Variants in GTF2IRD1 observed in about 807,000 individuals in gnomAD.
The protein encoded by GTF2IRD1 is GTF2I repeat domain containing 1, also known as general transcription factor II-I repeat domain-containing protein 1.
GTF2IRD1 carries 26 observed loss-of-function variants against 113.2 expected under a neutral mutation model. That is an observed-to-expected ratio of 0.23 (90% CI 0.17 to 0.32). The LOEUF is 0.32. Ranked by LOEUF, GTF2IRD1 falls within the 10% of genes least tolerant of loss-of-function variation. The pLI is 1.00. For synonymous variants in GTF2IRD1, 484 were observed against 529.1 expected (o/e 0.91, Z 1.17); for missense variants, 864 against 1,280.8 (o/e 0.67, Z 4.97).
intron 22 of GTF2IRD1, among the ~76,000 whole-genome samples, chr7:74,577,287 C>CCAAT (rs1801132431): frequency 6.6e-6 from 1 of 152,204 alleles, no homozygotes; most frequent in African/African-American, 2.4e-5. Flanking sequence ...GATCCACCCG[C>CCAAT]CTCAGCCTCC....
In GTF2IRD1 at chr7:74,519,822, G is replaced by A. The variant is rs918962422; in HGVS notation, c.916+103G>A. 1.8e-5 allele frequency: 14 copies of A among 779,666 alleles called. No individual in the cohort carries two copies. The African/African-American group carries it at 2.3e-4, about 13-fold the overall frequency. The allele number at this position is 779,666 out of a possible 1,614,324, so 48.3% of individuals were successfully genotyped here. Reference sequence around the variant, plus strand: ...GGTCAGGATGCCTGGGCCCTCTTAGGTTGGAAGGAGCCATGTCTGGGCATG... The same window carrying A: ...GGTCAGGATGCCTGGGCCCTCTTAGATTGGAAGGAGCCATGTCTGGGCATG... On this transcript the variant is annotated intron_variant, in intron 6 of 26. Coordinates refer to ENST00000424337, the MANE Select transcript of GTF2IRD1 (RefSeq NM_005685.4).
intron 1 of GTF2IRD1, among the ~76,000 whole-genome samples, chr7:74,489,895 T>C (rs955990108): frequency 4.6e-5 from 7 of 152,080 alleles, no homozygotes; most frequent in Non-Finnish European, 1.0e-4. Context: ...AACGGGGGGA[T>C]TCTGTTAGCA....
chr7:74,585,489 C>G (rs1304973814), intron 22 of GTF2IRD1, among the ~76,000 whole-genome samples: 1 of 152,120 alleles, frequency 6.6e-6, no homozygotes, highest in African/African-American at 2.4e-5. Flanking sequence ...TTGAGTCTCG[C>G]TCTGTCCCGA....
intron 14 of GTF2IRD1, among the ~76,000 whole-genome samples, chr7:74,540,727 T>C (rs781831336): frequency 1.3e-4 from 19 of 151,730 alleles, no homozygotes; most frequent in Admixed American, 1.1e-3. Flanking sequence ...GGTGAGGGGA[T>C]TACTTGAGGC....
intron 22 of GTF2IRD1, among the ~76,000 whole-genome samples, chr7:74,571,439 G>A (rs587768026): frequency 8.5e-5 from 13 of 152,280 alleles, no homozygotes; most frequent in South Asian, 2.1e-4. Context: ...TCCCCATAGC[G>A]GAGGAACCCG....
At chr7:74,522,599 A>C (rs587595280) in intron 7 of GTF2IRD1, among the ~76,000 whole-genome samples, 2 of 152,254 alleles carry the variant, frequency 1.3e-5, no homozygotes, top group South Asian at 4.1e-4. Context: ...CCTCCCCCCC[A>C]ACAACAACCC....
chr7:74,589,829 C>A, intron 22 of GTF2IRD1, 22 bp from the exon 23 acceptor site: 2 of 1,529,946 alleles, frequency 1.3e-6, no homozygotes, highest in Non-Finnish European at 1.8e-6. Context: ...AACTCTCATG[C>A]CCCCTTGTCT....
At chr7:74,538,391 T>C (rs587598198) in intron 12 of GTF2IRD1, among the ~76,000 whole-genome samples, 1 of 152,276 alleles carries the variant, frequency 6.6e-6, no homozygotes, top group Admixed American at 6.5e-5. Context: ...GGTGCTGGCA[T>C]CACCACTGCC....
rs1554343367 is a variant in GTF2IRD1, at chr7:74,512,807, C to T, written c.124-23C>T. On this transcript the variant is annotated intron_variant, in intron 2 of 26. Transcript: ENST00000424337. The surrounding 1 kb of genome is among the most constrained non-coding windows in gnomAD (Gnocchi z 4.4). ...TCGGAGTATGGGGAGCCCTTCCGCT[C>T]ACACAGCCTGCCCTTCCCACAGTGC... 2 of 1,611,770 alleles carry T rather than the reference C, an allele frequency of 1.2e-6. No homozygotes were observed. The highest frequency in any genetic ancestry group is 1.7e-5 in the Admixed American group (1 of 59,842).
At chr7:74,515,285 G>A in intron 3 of GTF2IRD1, 156 bp from the exon 4 acceptor site, 1 of 1,475,022 alleles carries the variant, frequency 6.8e-7, no homozygotes, top group Non-Finnish European at 9.1e-7. Context: ...TTGGAATAGG[G>A]CTTGCTCACT....
chr7:74,471,986 T>C (rs1269938570), intron 1 of GTF2IRD1, among the ~76,000 whole-genome samples: 1 of 152,158 alleles, frequency 6.6e-6, no homozygotes, highest in South Asian at 2.1e-4. Context: ...AATGAGACTC[T>C]GTCTCAACAA....
rs1167468655 is a variant in GTF2IRD1, at chr7:74,562,555, C to CTTTTTTTTTTTTTTT, written c.2320+2915_2320+2929dup. Among the ~76,000 whole-genome samples, 4 of 62,702 alleles carry CTTTTTTTTTTTTTTT rather than the reference C, an allele frequency of 6.4e-5. 1 individual carries two copies. Among genetic ancestry groups the CTTTTTTTTTTTTTTT allele is most frequent in the African/African-American group, 3.2e-4 (4 of 12,552 alleles). The allele number at this position is 62,702 out of a possible 152,430, so 41.1% of individuals were successfully genotyped here. A position where few individuals can be genotyped will look rare whatever the true frequency, so the allele number is the denominator to read the frequency against. On this transcript the variant is annotated intron_variant, in intron 22 of 26. Transcript: ENST00000424337. ...AGGACTATTTTCCGCCAATTGCCCT[C>CTTTTTTTTTTTTTTT]TTTTTTTTTTTTTTTTTTTTTTTTT...
At chr7:74,528,738 GATGGATGGATGGATGGATGA>G (rs1220316409) in intron 8 of GTF2IRD1, among the ~76,000 whole-genome samples, 15 of 141,764 alleles carry the variant, frequency 1.1e-4, no homozygotes, top group African/African-American at 3.9e-4. Context: ...TGGATGGATG[GATGGATGGATGGATGGATGA>G]ATGGATGGAT....
chr7:74,558,922 C>T lies in GTF2IRD1; in HGVS notation c.2169C>T (p.Pro723=), dbSNP rs782217257. Residue 723 remains proline, a synonymous_variant, in exon 21 of 27, where the codon CCC becomes CCT. Transcript: ENST00000424337. ...CCTACAAGCGGATCAAGAGTAACCC[C>T]GGCTCCGTGATCATCGAGGGGCTGC... ...QVPYKRIKSN[P]GSVIIEGLPP... is the part of the protein sequence containing the mutation. The T allele has an allele frequency of 1.4e-5, 22 of 1,613,948 alleles. No individual in the cohort carries two copies. The highest frequency in any genetic ancestry group is 3.3e-5 in the Admixed American group (2 of 59,992).
At chr7:74,565,252 C>T (rs774653614) in intron 22 of GTF2IRD1, among the ~76,000 whole-genome samples, 5 of 152,080 alleles carry the variant, frequency 3.3e-5, no homozygotes, top group African/African-American at 1.2e-4. Context: ...CTGCCAGGCG[C>T]GGTGGCTCAT....
chr7:74,471,761 A>G (rs373457356), intron 1 of GTF2IRD1, among the ~76,000 whole-genome samples: 3 of 151,884 alleles, frequency 2.0e-5, no homozygotes, highest in Non-Finnish European at 4.4e-5. Context: ...TGGGAGGCCA[A>G]GGCGGGCAGA....
chr7:74,591,496 A>C (rs1708908693), intron 24 of GTF2IRD1, among the ~76,000 whole-genome samples: 1 of 148,796 alleles, frequency 6.7e-6, no homozygotes, highest in Admixed American at 6.9e-5. Context: ...CTCGTGCCTC[A>C]GCCTCCCAAG....
intron 1 of GTF2IRD1, among the ~76,000 whole-genome samples, chr7:74,479,233 G>T (rs540655284): frequency 1.3e-5 from 2 of 152,106 alleles, no homozygotes. Context: ...ACACCCTGCA[G>T]CGAGGCTGAC....
At chr7:74,570,675 GT>G in intron 22 of GTF2IRD1, among the ~76,000 whole-genome samples, 1 of 152,324 alleles carries the variant, frequency 6.6e-6, no homozygotes, top group South Asian at 2.1e-4. Flanking sequence ...TTCTAGAATT[GT>G]TCTTGAATAG....
Sources: allele counts gnomAD v4.1 joint callset (sites outside exome capture counted in the v4.1 genomes callset), GRCh38; gene constraint gnomAD v4.1.1; non-coding constraint Gnocchi (gnomAD v3.1); transcripts MANE v1.5; gene names NCBI Gene and HGNC (gene_info 2026-07-23, HGNC 2026-07-21).